AGBL2: variants seen among roughly 807,000 people sequenced by gnomAD.
AGBL2 encodes the protein cytosolic carboxypeptidase 2.
In AGBL2, 87 loss-of-function variants were observed where a neutral mutation model predicts 103.0. The observed-to-expected ratio is 0.84, with a 90% CI of 0.71 to 1.01. The LOEUF (loss-of-function observed/expected upper bound fraction) is 1.01. Among genes scored for constraint, AGBL2 ranks in the 50% least tolerant of loss-of-function variants. AGBL2 has a pLI of 0.00. For synonymous variants in AGBL2, 335 were observed against 356.7 expected (o/e 0.94, Z 0.69); for missense variants, 904 against 1,023.5 (o/e 0.88, Z 1.59).
intron 18 of AGBL2, 131 bp downstream of exon 18, chr11:47,662,895 C>T (rs976145729): frequency 3.2e-5 from 25 of 772,960 alleles, no homozygotes; most frequent in Non-Finnish European, 5.1e-5. Flanking sequence ...AGATGTTCAC[C>T]TGCGCAGAAC....
intron 4 of AGBL2, among the ~76,000 whole-genome samples, chr11:47,706,887 ATTC>A (rs2097522113): frequency 2.3e-4 from 5 of 21,780 alleles, no homozygotes; most frequent in East Asian, 2.3e-3. Flanking sequence ...TGTCTCTACT[ATTC>A]CAAAAAAAAA....
At chr11:47,693,871 A>G (rs1174067463) in intron 8 of AGBL2, among the ~76,000 whole-genome samples, 2 of 152,128 alleles carry the variant, frequency 1.3e-5, no homozygotes, top group African/African-American at 4.8e-5. Context: ...GTGGTCAGCC[A>G]GTGACCAGAC....
At position 47,685,741 on chromosome 11, in the gene AGBL2, C is replaced by G. The variant is rs527377597; in HGVS notation, c.1788+152G>C. 19 of 857,182 alleles carry G rather than the reference C, an allele frequency of 2.2e-5. 1 individual carries two copies. In the Admixed American group the frequency reaches 4.6e-4, roughly 21 times the overall value. The allele number at this position is 857,182 out of a possible 1,614,324, so 53.1% of individuals were successfully genotyped here. On this transcript the variant is annotated intron_variant, in intron 11 of 18. Coordinates refer to ENST00000525123, the MANE Select transcript of AGBL2 (RefSeq NM_024783.4). ...CTGGCCCCACAGCAATTCTTAAAAC[C>G]ACGCTTTTCTAAATTCTTGAAGTCT... is the stretch of plus-strand genomic sequence containing the variant.
chr11:47,662,586 G>C (rs750855282), intron 18 of AGBL2, among the ~76,000 whole-genome samples: 8 of 151,740 alleles, frequency 5.3e-5, no homozygotes, highest in Non-Finnish European at 1.2e-4. Flanking sequence ...TCTGCCTCCC[G>C]GGTTCAAGCG....
At chr11:47,680,659 G>T (rs1219086345) in intron 12 of AGBL2, among the ~76,000 whole-genome samples, 1 of 151,832 alleles carries the variant, frequency 6.6e-6, no homozygotes, top group African/African-American at 2.4e-5. Context: ...TGTGCCTATA[G>T]TCCCAGCTAC....
At position 47,705,885 on chromosome 11, in the gene AGBL2, G is replaced by T. The variant is rs200616669; in HGVS notation, c.265C>A (p.Gln89Lys). 2.0e-5 allele frequency: 33 copies of T among 1,613,908 alleles called. No homozygotes were observed. The highest frequency in any genetic ancestry group is 2.7e-5 in the Non-Finnish European group (32 of 1,180,002). Residue 89 changes from glutamine to lysine, a missense_variant, in exon 5 of 19, where the codon CAG becomes AAG. Coordinates refer to ENST00000525123, the MANE Select transcript of AGBL2 (RefSeq NM_024783.4). ...PISLSSAVHR[Q>K]IEAINRDFHS... is the part of the protein sequence containing the mutation. ...ATACCTCTGTTGATGGCTTCTATCT[G>T]TCTGTGCACAGCTGAAGATAAACTG...
intron 3 of AGBL2, chr11:47,710,909 C>CAAA: frequency 4.5e-5 from 15 of 332,548 alleles, no homozygotes; most frequent in African/African-American, 2.6e-4. Flanking sequence ...GATCCTGTCT[C>CAAA]AAAAAAAAAA....
chr11:47,708,224 C>T (rs1231327097), intron 4 of AGBL2, among the ~76,000 whole-genome samples: 4 of 151,868 alleles, frequency 2.6e-5, no homozygotes, highest in South Asian at 2.1e-4. Context: ...GGCACCATCA[C>T]GTTGGGATAA....
intron 14 of AGBL2, among the ~76,000 whole-genome samples, chr11:47,670,729 C>T (rs187536224): frequency 4.0e-4 from 60 of 150,986 alleles, no homozygotes; most frequent in African/African-American, 1.4e-3. Flanking sequence ...CACAGTGGTT[C>T]ACACCTGTAA....
chr11:47,711,534 C>T (rs1360219506), intron 3 of AGBL2, among the ~76,000 whole-genome samples: 2 of 152,200 alleles, frequency 1.3e-5, no homozygotes, highest in Non-Finnish European at 1.5e-5. Flanking sequence ...CAACCCCTCC[C>T]TGAATGTCTC....
intron 4 of AGBL2, among the ~76,000 whole-genome samples, chr11:47,706,882 C>A (rs2153805342): frequency 3.4e-5 from 3 of 88,906 alleles, no homozygotes; most frequent in East Asian, 3.8e-4. Flanking sequence ...AACCCTGTCT[C>A]TACTATTCCA....
rs779469266 is a variant in AGBL2 at position 47,690,876 on chromosome 11, G to C, written c.849-18C>G. 6.3e-7 allele frequency: 1 copy of C among 1,586,958 alleles called. No homozygotes were observed. ...AGGTGTCTCTGTAATGGAGAAAATAGAACAACTCTGTAAGCTTACACCCTG... is the reference window on the plus strand; with the variant it reads ...AGGTGTCTCTGTAATGGAGAAAATACAACAACTCTGTAAGCTTACACCCTG... On this transcript the variant is annotated intron_variant, in intron 9 of 18. Coordinates refer to ENST00000525123, the MANE Select transcript of AGBL2 (RefSeq NM_024783.4).
At chr11:47,668,578 A>G (rs562339215) in intron 15 of AGBL2, among the ~76,000 whole-genome samples, 2 of 152,336 alleles carry the variant, frequency 1.3e-5, no homozygotes, top group South Asian at 2.1e-4. Context: ...ACTTATGGCA[A>G]TAATATCAGG....
At chr11:47,670,432 C>T (rs1031268408) in intron 14 of AGBL2, among the ~76,000 whole-genome samples, 6 of 151,882 alleles carry the variant, frequency 4.0e-5, no homozygotes, top group African/African-American at 1.5e-4. Flanking sequence ...CTGCAGTGAG[C>T]CGAGATTGTG....
At chr11:47,694,431 A>G (rs917053984) in intron 8 of AGBL2, among the ~76,000 whole-genome samples, 11 of 152,080 alleles carry the variant, frequency 7.2e-5, no homozygotes, top group African/African-American at 2.7e-4. Flanking sequence ...AGCCATGTAT[A>G]CTGCGTTCTC....
At chr11:47,705,693 GA>G (rs1565089629) in intron 5 of AGBL2, 59 bp from the exon 6 acceptor site, 1 of 602,044 alleles carries the variant, frequency 1.7e-6, no homozygotes, top group East Asian at 2.7e-5. Flanking sequence ...GAGGAAAAAA[GA>G]AAAAAATGGA....
chr11:47,678,356 C>G lies in AGBL2; in HGVS notation c.2017-955G>C, dbSNP rs535265764. ...TTTTATTATTTTATTTTTTTTGAGACGGAGTCTTGCTCTGTCACCCAGGCT... is the reference window on the plus strand; with the variant it reads ...TTTTATTATTTTATTTTTTTTGAGAGGGAGTCTTGCTCTGTCACCCAGGCT... On this transcript the variant is annotated intron_variant, in intron 13 of 18. Transcript: ENST00000525123. Among the ~76,000 whole-genome samples the G allele has an allele frequency of 3.7e-3, 344 of 92,262 alleles. 3 individuals carry two copies. The highest frequency in any genetic ancestry group is 0.024 in the Middle Eastern group (4 of 166). The allele number at this position is 92,262 out of a possible 152,430, so 60.5% of individuals were successfully genotyped here.
chr11:47,671,041 C>G (rs1598912185), intron 14 of AGBL2, among the ~76,000 whole-genome samples: 1 of 152,042 alleles, frequency 6.6e-6, no homozygotes, highest in East Asian at 1.9e-4. Context: ...CTAAAGTCTT[C>G]CCTCACAAAC....
intron 8 of AGBL2, among the ~76,000 whole-genome samples, chr11:47,696,884 C>T (rs1052060570): frequency 2.6e-5 from 4 of 151,880 alleles, no homozygotes; most frequent in Non-Finnish European, 2.9e-5. Context: ...TGTTTTTCTC[C>T]ATCAGTTTTC....
Sources: allele counts gnomAD v4.1 joint callset (sites outside exome capture counted in the v4.1 genomes callset), GRCh38; gene constraint gnomAD v4.1.1; transcripts MANE v1.5; gene names NCBI Gene and HGNC (gene_info 2026-07-23, HGNC 2026-07-21).